LTBP4: variants seen among roughly 807,000 people sequenced by gnomAD.
The protein encoded by LTBP4 is latent transforming growth factor beta binding protein 4.
In LTBP4, 93 loss-of-function variants were observed where a neutral mutation model predicts 180.2. The observed-to-expected ratio is 0.52, with a 90% CI of 0.44 to 0.61. LTBP4 has a LOEUF of 0.61. Among genes scored for constraint, LTBP4 ranks in the 20% least tolerant of loss-of-function variants. The probability of loss-of-function intolerance (pLI) is 0.00; values close to 1 mark genes in which losing one functional copy is unlikely to be tolerated. For missense variants in LTBP4, 2,116 were observed against 2,256.5 expected, an observed-to-expected ratio of 0.94 and a Z score of 1.26; for synonymous variants, 947 against 934.5, an observed-to-expected ratio of 1.01 and a Z score of -0.24.
In LTBP4 at chr19:40,594,291, G is replaced by A. The variant is rs549143416; in HGVS notation, c.16+1110G>A. On this transcript the variant is annotated intron_variant, in intron 1 of 32. Coordinates refer to the LTBP4 transcript ENST00000204005. ...GGTGGAAGATTCTGGAATGCGGGGG[G>A]ACTAGAACTCTGAGGGATTCTGAAG... is the stretch of plus-strand genomic sequence containing the variant. 4.0e-5 allele frequency among the ~76,000 whole-genome samples: 6 copies of A among 151,582 alleles called. No individual in the cohort carries two copies. The South Asian group carries it at 1.3e-3, about 32-fold the overall frequency.
intron 22 of LTBP4, among the ~76,000 whole-genome samples, chr19:40,620,913 C>T (rs1166156776): frequency 6.6e-6 from 1 of 151,952 alleles, no homozygotes; most frequent in Admixed American, 6.6e-5. Context: ...ATCCCGTCAC[C>T]CAGATAGTAA....
At chr19:40,593,938 C>T (rs371685868) in intron 1 of LTBP4, among the ~76,000 whole-genome samples, 5 of 151,992 alleles carry the variant, frequency 3.3e-5, no homozygotes, top group East Asian at 1.9e-4. Context: ...GGATTACAGG[C>T]GTGCGCCACC....
At position 40,622,077 on chromosome 19, in the gene LTBP4, C is replaced by T. The variant is rs1266158957; in HGVS notation, c.3218-324C>T. 1.3e-5 allele frequency among the ~76,000 whole-genome samples: 2 copies of T among 152,146 alleles called. No homozygotes were observed. The highest frequency in any genetic ancestry group is 2.4e-5 in the African/African-American group (1 of 41,406). On this transcript the variant is annotated intron_variant, in intron 22 of 29. Transcript: ENST00000396819. The surrounding 1 kb of genome is among the most constrained non-coding windows in gnomAD (Gnocchi z 5.1). Reference sequence around the variant, plus strand: ...AATTGTAGGTTTTGAGATGAAGACTCAGCCAGTTTGCCACACACTGGATAA... The same window carrying T: ...AATTGTAGGTTTTGAGATGAAGACTTAGCCAGTTTGCCACACACTGGATAA...
At chr19:40,600,418 G>A (rs1486636046), upstream of LTBP4, among the ~76,000 whole-genome samples, 1 of 152,196 alleles carries the variant, frequency 6.6e-6, no homozygotes, top group East Asian at 1.9e-4. This position sits in a 1 kb window ranked among gnomAD's most constrained non-coding sequence, Gnocchi z 4.4. Flanking sequence ...CCAGGCGTCC[G>A]GGCTCCCCGC....
Position 40,627,337 on chromosome 19 carries a change from G to C in LTBP4, c.4348G>C (p.Glu1450Gln), listed in dbSNP as rs187448224. The change falls in exon 28 of 30, where the codon GAA becomes CAA. Residue 1450 changes from glutamate to glutamine, a missense_variant. Physicochemically the swap from Glu to Gln is conservative, Grantham distance 29 (BLOSUM62 2). Around this residue, in one of 5 missense-constraint regions of LTBP4, gnomAD observed 488 missense variants for 458.8 expected, o/e 1.06. Coordinates refer to ENST00000396819, the MANE Select transcript of LTBP4 (RefSeq NM_001042545.2). Reference sequence around the variant, plus strand: ...CTTCCCAGAGCCCGAGGAGCCTCCTGAAGGTGGAAGCTATGCTGGTGAGCA... The same window carrying C: ...CTTCCCAGAGCCCGAGGAGCCTCCTCAAGGTGGAAGCTATGCTGGTGAGCA... ...RSFPEPEEPP[E>Q]GGSYAGSLAE... The C allele has an allele frequency of 7.3e-6, 11 of 1,514,236 alleles. No individual in the cohort carries two copies. In the African/African-American group the frequency reaches 8.2e-5, roughly 11 times the overall value. The allele number at this position is 1,514,236 out of a possible 1,614,324, so 93.8% of individuals were successfully genotyped here. A position where few individuals can be genotyped will look rare whatever the true frequency, so the allele number is the denominator to read the frequency against.
Position 40,607,415 on chromosome 19 carries a change from G to T in LTBP4, c.1042G>T (p.Asp348Tyr), listed in dbSNP as rs1295939936. 1.2e-6 allele frequency: 2 copies of T among 1,613,108 alleles called. No homozygotes were observed. Among genetic ancestry groups the T allele is most frequent in the Middle Eastern group, 1.7e-4 (1 of 6,060 alleles). The change falls in exon 7 of 30, where the codon GAC becomes TAC. Residue 348 changes from aspartate to tyrosine, a missense_variant. By Grantham distance (160) the Asp-to-Tyr change is radical. Around this residue, in one of 5 missense-constraint regions of LTBP4, gnomAD observed 469 missense variants for 532.5 expected, o/e 0.88. Coordinates refer to ENST00000396819, the MANE Select transcript of LTBP4 (RefSeq NM_001042545.2). Reference protein sequence around the residue: ...AKGPCFRVLRDGGCSLPILRN... With the variant: ...AKGPCFRVLRYGGCSLPILRN... ...AGGGCCCTGCTTCCGCGTGCTCCGC[G>T]ACGGCGGCTGTTCGCTGCCCATTCT...
upstream of LTBP4, chr19:40,599,117 G>A: frequency 7.4e-7 from 1 of 1,349,094 alleles, no homozygotes; most frequent in Non-Finnish European, 1.0e-6. Flanking sequence ...ATGCGTCTTG[G>A]TTTCCCCTCC....
In LTBP4 at chr19:40,613,207, T is replaced by G. The variant is rs370485510; in HGVS notation, c.2431+11T>G. 1 of 1,560,120 alleles carries G rather than the reference T, an allele frequency of 6.4e-7. No individual in the cohort carries two copies. The highest frequency in any genetic ancestry group is 1.4e-5 in the African/African-American group (1 of 73,314). ...CCGGGCCCTGCGCAGGTGAGCAGCA[T>G]AGGGACCCGCCAGAGAGTCTGGGAG... On this transcript the variant is annotated intron_variant, in intron 16 of 29. Transcript: ENST00000396819. The surrounding 1 kb of genome is among the most constrained non-coding windows in gnomAD (Gnocchi z 5.0).
chr19:40,605,283 CCT>C lies in LTBP4; in HGVS notation c.442+58_442+59del, dbSNP rs1355368440. The C allele has an allele frequency of 5.1e-6, 8 of 1,558,008 alleles. No individual in the cohort carries two copies. The highest frequency in any genetic ancestry group is 2.3e-5 in the South Asian group (2 of 86,074). ...CCCCTGTCAAGCATTTCACTTTGCC[CCT>C]GACCCTCATATTTCCCGCCTTCCCG... On this transcript the variant is annotated intron_variant, in intron 2 of 29. Transcript: ENST00000396819. The surrounding 1 kb of genome is among the most constrained non-coding windows in gnomAD (Gnocchi z 5.5).
At chr19:40,596,151 A>C (rs1341282317) in intron 1 of LTBP4, among the ~76,000 whole-genome samples, 1 of 151,572 alleles carries the variant, frequency 6.6e-6, no homozygotes, top group East Asian at 1.9e-4. Flanking sequence ...CGAACTCCTG[A>C]CCTCATGATC....
Position 40,613,796 on chromosome 19 carries a change from T to A in LTBP4, c.2558-120T>A. 1.4e-6 allele frequency: 2 copies of A among 1,449,358 alleles called. No homozygotes were observed. The highest frequency in any genetic ancestry group is 1.2e-5 in the South Asian group (1 of 83,736). The allele number at this position is 1,449,358 out of a possible 1,614,324, so 89.8% of individuals were successfully genotyped here. ...GGTGTTTGCAGGGAGGGAAGTAGCG[T>A]GAGGCAGGTTGGGGAAGGCGTGAGA... On this transcript the variant is annotated intron_variant, in intron 17 of 29. Coordinates refer to ENST00000396819, the MANE Select transcript of LTBP4 (RefSeq NM_001042545.2). This position sits in a 1 kb window ranked among gnomAD's most constrained non-coding sequence, Gnocchi z 5.0.
In LTBP4 at chr19:40,612,152, C is replaced by T; in HGVS notation, c.2259C>T (p.Thr753=). Residue 753 remains threonine, a synonymous_variant, in exon 15 of 30, where the codon ACC becomes ACT. Transcript: ENST00000396819. ...VNSPGSFQCR[T]CPSGHHLHRG... The stretch of plus-strand genomic sequence containing the variant: ...CGCCCGGCTCCTTCCAGTGCAGGAC[C>T]TGTCCTTCTGGCCACCACCTGCACC... 1 of 1,611,610 alleles carries T rather than the reference C, an allele frequency of 6.2e-7. No individual in the cohort carries two copies. The highest frequency in any genetic ancestry group is 8.5e-7 in the Non-Finnish European group (1 of 1,179,100).
Position 40,609,632 on chromosome 19 carries a change from G to T in LTBP4, c.1529G>T (p.Arg510Leu). Reference sequence around the variant, plus strand: ...ACCTGCGCTTGCGACTCTGGCTTCCGGCTCAGCCCCCAGGGCACCCGATGC... The same window carrying T: ...ACCTGCGCTTGCGACTCTGGCTTCCTGCTCAGCCCCCAGGGCACCCGATGC... ...GYTCACDSGF[R>L]LSPQGTRCID... Residue 510 changes from arginine (R) to leucine (L), a missense_variant, in exon 10 of 30, where the codon CGG (arginine) becomes CTG (leucine). By Grantham distance (102) the Arg-to-Leu change is moderately radical. Transcript: ENST00000396819. The surrounding 1 kb of genome is among the most constrained non-coding windows in gnomAD (Gnocchi z 4.9). 1 of 1,613,236 alleles carries T rather than the reference G, an allele frequency of 6.2e-7. No homozygotes were observed. Among genetic ancestry groups the T allele is most frequent in the Non-Finnish European group, 8.5e-7 (1 of 1,179,802 alleles).
At chr19:40,612,251 C>T in intron 15 of LTBP4, 59 bp downstream of exon 15, 6 of 1,520,774 alleles carry the variant, frequency 3.9e-6, no homozygotes, top group Non-Finnish European at 5.3e-6. Context: ...ACCCTTGACC[C>T]AGATCACAAC....
At chr19:40,606,121 A>T (rs1047808450) in intron 4 of LTBP4, 112 bp from the exon 5 acceptor site, 4 of 1,031,542 alleles carry the variant, frequency 3.9e-6, no homozygotes, top group Non-Finnish European at 5.9e-6. Flanking sequence ...CTGTCCCTGC[A>T]CTTAAACTAC....
chr19:40,609,460 G>A lies in LTBP4; in HGVS notation c.1427-70G>A. The A allele has an allele frequency of 6.3e-7, 1 of 1,580,702 alleles. No individual in the cohort carries two copies. The highest frequency in any genetic ancestry group is 8.7e-7 in the Non-Finnish European group (1 of 1,155,348). On this transcript the variant is annotated intron_variant, in intron 9 of 29. Transcript: ENST00000396819. The surrounding 1 kb of genome is among the most constrained non-coding windows in gnomAD (Gnocchi z 4.9). ...TGTTTTATGGATGTCTCCGGGGGTG[G>A]GGGTTTTACTGGGATGAAAGGAACG...
In LTBP4 at chr19:40,605,749, G is replaced by T. The variant is rs1317377795; in HGVS notation, c.711G>T (p.Gly237=). The change falls in exon 4 of 30, where the codon GGG becomes GGT. Residue 237 remains glycine, a synonymous_variant. Coordinates refer to ENST00000396819, the MANE Select transcript of LTBP4 (RefSeq NM_001042545.2). The surrounding 1 kb of genome is among the most constrained non-coding windows in gnomAD (Gnocchi z 5.5). ...RGGECASPLP[G]LRTQEVCCRG... is the part of the protein sequence containing the mutation. Reference sequence around the variant, plus strand: ...CGCAGTGCGCGTCCCCGCTGCCCGGGCTCCGGACGCAGGAGGTCTGCTGCC... The same window carrying T: ...CGCAGTGCGCGTCCCCGCTGCCCGGTCTCCGGACGCAGGAGGTCTGCTGCC... 1.9e-6 allele frequency: 3 copies of T among 1,544,814 alleles called. No individual in the cohort carries two copies. The highest frequency in any genetic ancestry group is 1.7e-6 in the Non-Finnish European group (2 of 1,146,618).
Position 40,601,513 on chromosome 19 carries a change from C to G in LTBP4, c.126C>G (p.Gly42=), listed in dbSNP as rs2146016013. The change falls in exon 1 of 30, where the codon GGC becomes GGG. Residue 42 remains glycine (G), a synonymous_variant. Coordinates refer to ENST00000396819, the MANE Select transcript of LTBP4 (RefSeq NM_001042545.2). ...LRVRFTPVVC[G]LRCVHGPTGS... ...TGCGCTTCACCCCGGTCGTGTGCGG[C>G]CTGCGCTGCGTCCATGGGCCGACCG... 6.7e-7 allele frequency: 1 copy of G among 1,499,288 alleles called. No individual in the cohort carries two copies. Among genetic ancestry groups the G allele is most frequent in the Non-Finnish European group, 8.8e-7 (1 of 1,131,170 alleles). The allele number at this position is 1,499,288 out of a possible 1,614,324, so 92.9% of individuals were successfully genotyped here. A position where few individuals can be genotyped will look rare whatever the true frequency, so the allele number is the denominator to read the frequency against.
In LTBP4 at chr19:40,611,921, G is replaced by C. The variant is rs2081509499; in HGVS notation, c.2116G>C (p.Gly706Arg). The part of the protein sequence containing the change: ...CTYGRCENTE[G>R]SFQCVCPMGF... ...CTACGGCCGGTGTGAGAACACAGAA[G>C]GCAGCTTCCAGTGTGTCTGCCCCAT... The change falls in exon 14 of 30, where the codon GGC becomes CGC. Residue 706 changes from glycine to arginine, a missense_variant. Physicochemically the swap from Gly to Arg is moderately radical, Grantham distance 125 (BLOSUM62 -2). This residue lies in a region of LTBP4 where 877 missense variants were observed against 873.6 expected (regional missense o/e 1.00). Transcript: ENST00000396819. This position sits in a 1 kb window ranked among gnomAD's most constrained non-coding sequence, Gnocchi z 4.4. 6.2e-6 allele frequency: 10 copies of C among 1,610,736 alleles called. No homozygotes were observed. The highest frequency in any genetic ancestry group is 1.7e-5 in the Admixed American group (1 of 59,652).
Sources: gnomAD v4.1 joint callset for allele counts (sites outside exome capture counted in the v4.1 genomes callset) on GRCh38, gnomAD v4.1.1 for gene constraint, gnomAD v4.1.1 regional missense constraint, Gnocchi (gnomAD v3.1) non-coding constraint, MANE v1.5 for transcripts, NCBI Gene and HGNC (gene_info 2026-07-23, HGNC 2026-07-21) for gene names.